OPA1: variants seen among roughly 807,000 people sequenced by gnomAD.
OPA1 encodes OPA1 mitochondrial dynamin like GTPase.
Under a neutral mutation model 152.9 loss-of-function variants are expected in OPA1, and 59 were observed. That is an observed-to-expected ratio of 0.39 (90% CI 0.31 to 0.48). OPA1 has a LOEUF of 0.48. Ranked by LOEUF, OPA1 falls within the 20% of genes least tolerant of loss-of-function variation. The pLI is 0.96. For synonymous variants in OPA1, 400 were observed against 389.9 expected, an observed-to-expected ratio of 1.03 and a Z score of -0.31; for missense variants, 1,008 against 1,216.8, an observed-to-expected ratio of 0.83 and a Z score of 2.55.
chr3:193,625,183 C>A (rs1256168385), intron 6 of OPA1, among the ~76,000 whole-genome samples: 1 of 151,948 alleles, frequency 6.6e-6, no homozygotes, highest in Non-Finnish European at 1.5e-5. Context: ...CATCATGCCA[C>A]ATGTGAATAT....
chr3:193,659,034 G>C (rs1476776458), intron 24 of OPA1, 39 bp downstream of exon 24: 1 of 1,365,512 alleles, frequency 7.3e-7, no homozygotes, highest in East Asian at 2.3e-5. Context: ...TGAGTTCACA[G>C]TGGTGAAGGA....
intron 8 of OPA1, 28 bp downstream of exon 8, chr3:193,631,693 G>A (rs1291690716): frequency 6.3e-7 from 1 of 1,586,700 alleles, no homozygotes; most frequent in African/African-American, 1.3e-5. Flanking sequence ...GAAAAACTAG[G>A]GACTTTTAAA....
chr3:193,603,258 C>T (rs2108804025), intron 1 of OPA1, among the ~76,000 whole-genome samples: 1 of 152,340 alleles, frequency 6.6e-6, no homozygotes, highest in Non-Finnish European at 1.5e-5. Flanking sequence ...GTTAAATTTA[C>T]ATCCTTTTAG....
intron 29 of OPA1, among the ~76,000 whole-genome samples, chr3:193,683,526 C>T (rs182187964): frequency 2.0e-4 from 31 of 152,196 alleles, no homozygotes; most frequent in Admixed American, 1.1e-3. Context: ...CAGACAGCAT[C>T]ACATCCTACT....
intron 24 of OPA1, among the ~76,000 whole-genome samples, chr3:193,659,222 A>G (rs900098237): frequency 1.3e-5 from 2 of 152,266 alleles, no homozygotes; most frequent in African/African-American, 4.8e-5. Flanking sequence ...CTATAAAGCT[A>G]TAATGCAGAA....
rs149993766 is a variant in OPA1 at position 193,622,124 on chromosome 3, CT to C, written c.678+3193del. On this transcript the variant is annotated intron_variant, in intron 6 of 30. Coordinates refer to ENST00000361510, the MANE Select transcript of OPA1 (RefSeq NM_130837.3). ...TAATTTATAGAAAATATTTGAAGGA[CT>C]TTTTCATGGCCCAAATCATGAAAAG... Among the ~76,000 whole-genome samples, 428 of 151,294 alleles carry C rather than the reference CT, an allele frequency of 2.8e-3. 2 individuals are homozygous for C. Among genetic ancestry groups the C allele is most frequent in the East Asian group, 0.016 (84 of 5,162 alleles).
chr3:193,611,844 T>TC (rs1438767212), intron 1 of OPA1, among the ~76,000 whole-genome samples: 1 of 120,038 alleles, frequency 8.3e-6, no homozygotes. Context: ...TCTTTTCTTT[T>TC]CTTTTTTTTT....
rs1339420283 is a variant in OPA1 at position 193,635,452 on chromosome 3, A to G, written c.878A>G (p.Lys293Arg). The G allele has an allele frequency of 3.1e-6, 5 of 1,607,764 alleles. No homozygotes were observed. The South Asian group carries it at 5.5e-5, about 18-fold the overall frequency. ...CAGAGAATCTTGGAACGATTAGAAA[A>G]GGAGAACAAAGAATTGAGAAAATTA... ...KYQRILERLE[K>R]ENKELRKLVL... Residue 293 changes from lysine to arginine, a missense_variant, in exon 9 of 31, where the codon AAG becomes AGG. Coordinates refer to ENST00000361510, the MANE Select transcript of OPA1 (RefSeq NM_130837.3).
At chr3:193,630,610 A>G (rs1419237867) in intron 7 of OPA1, among the ~76,000 whole-genome samples, 1 of 152,214 alleles carries the variant, frequency 6.6e-6, no homozygotes, top group Non-Finnish European at 1.5e-5. Flanking sequence ...GAAGATCAAC[A>G]AGGATTTAAA....
At chr3:193,616,019 T>C (rs1728956468) in intron 3 of OPA1, among the ~76,000 whole-genome samples, 2 of 152,206 alleles carry the variant, frequency 1.3e-5, no homozygotes, top group African/African-American at 4.8e-5. Context: ...TTAGTATCTT[T>C]TTAACTTATC....
chr3:193,684,236 T>C (rs1720612418), intron 29 of OPA1, among the ~76,000 whole-genome samples: 1 of 152,180 alleles, frequency 6.6e-6, no homozygotes, highest in Non-Finnish European at 1.5e-5. Context: ...AGGGAAAATA[T>C]GATGCTGTCC....
chr3:193,618,679 G>GTT (rs145678823), intron 5 of OPA1, 190 bp from the exon 6 acceptor site: 38 of 527,076 alleles, frequency 7.2e-5, no homozygotes, highest in African/African-American at 1.4e-4. Flanking sequence ...GCTATAGTTA[G>GTT]TTTTTTTTTT....
chr3:193,677,023 C>T (rs1167266021), intron 29 of OPA1, among the ~76,000 whole-genome samples: 1 of 142,208 alleles, frequency 7.0e-6, no homozygotes, highest in East Asian at 2.1e-4. Flanking sequence ...TGAAGAATAT[C>T]AATAAATTAG....
At chr3:193,681,323 A>C (rs573795331) in intron 29 of OPA1, among the ~76,000 whole-genome samples, 1 of 152,326 alleles carries the variant, frequency 6.6e-6, no homozygotes, top group Non-Finnish European at 1.5e-5. Context: ...CTAATAATAT[A>C]TCTTCTGTGG....
At chr3:193,693,074 A>C (rs1202457960) in intron 30 of OPA1, among the ~76,000 whole-genome samples, 4 of 152,270 alleles carry the variant, frequency 2.6e-5, no homozygotes, top group Non-Finnish European at 5.9e-5. Context: ...CTTACCCTAC[A>C]GACAGCCTGC....
intron 1 of OPA1, among the ~76,000 whole-genome samples, chr3:193,611,295 G>A (rs1245008019): frequency 6.6e-6 from 1 of 152,078 alleles, no homozygotes; most frequent in East Asian, 1.9e-4. Context: ...TTGCTCTAGA[G>A]TCTTCTCAAA....
chr3:193,631,930 T>C (rs748699531), intron 8 of OPA1, among the ~76,000 whole-genome samples: 1 of 152,224 alleles, frequency 6.6e-6, no homozygotes, highest in Non-Finnish European at 1.5e-5. Context: ...CTTGTCCTTA[T>C]ATAAACTTAT....
chr3:193,670,513 C>T (rs1717684948), intron 29 of OPA1, among the ~76,000 whole-genome samples: 1 of 151,732 alleles, frequency 6.6e-6, no homozygotes, highest in Non-Finnish European at 1.5e-5. Context: ...GCTACAGGCG[C>T]CCGCCACCAT....
Position 193,657,046 on chromosome 3 carries a change from A to G in OPA1, c.2179-34A>G, listed in dbSNP as rs1377583700. On this transcript the variant is annotated intron_variant, in intron 22 of 30. Transcript: ENST00000361510. ...ATGTTAACCATTGAAGTATGTAGTA[A>G]TAATATGGCTTTTTTTCTTTCAAAT... The G allele has an allele frequency of 4.4e-6, 7 of 1,585,990 alleles. 1 individual carries two copies. In the African/African-American group the frequency reaches 5.4e-5, roughly 12 times the overall value.
Sources: gnomAD v4.1 joint callset for allele counts (sites outside exome capture counted in the v4.1 genomes callset) on GRCh38, gnomAD v4.1.1 for gene constraint, MANE v1.5 for transcripts, NCBI Gene and HGNC (gene_info 2026-07-23, HGNC 2026-07-21) for gene names.